Variants in EML6 observed in about 807,000 individuals in gnomAD.
EML6 encodes echinoderm microtubule-associated protein-like 6.
A neutral mutation model predicts 240.1 loss-of-function variants in EML6; 154 were observed. The observed-to-expected ratio is 0.64, with a 90% CI of 0.56 to 0.73. The LOEUF (loss-of-function observed/expected upper bound fraction) is 0.73, where lower values mean the gene tolerates loss of function less well. EML6 is among the 30% of genes least tolerant of loss of function. EML6 has a pLI of 0.00. For synonymous variants in EML6, 1,148 were observed against 899.0 expected (o/e 1.28, Z -4.95); for missense variants, 2,964 against 2,474.6 (o/e 1.20, Z -4.20).
intron 2 of EML6, among the ~76,000 whole-genome samples, chr2:54,793,439 C>T (rs1375759730): frequency 1.4e-5 from 2 of 144,976 alleles, no homozygotes. Flanking sequence ...TTGACAATCC[C>T]TGTTTCTAAT....
chr2:54,906,823 A>G (rs983031764), intron 24 of EML6, among the ~76,000 whole-genome samples: 1 of 152,218 alleles, frequency 6.6e-6, no homozygotes, highest in African/African-American at 2.4e-5. Flanking sequence ...AGAATGTGCC[A>G]TGCTGCCTCA....
intron 32 of EML6, among the ~76,000 whole-genome samples, 161 bp from the exon 33 acceptor site, chr2:54,957,629 C>T (rs1373232046): frequency 1.3e-5 from 2 of 152,196 alleles, no homozygotes; most frequent in East Asian, 3.8e-4. Flanking sequence ...ACACTTTCCC[C>T]GCTGCCACCT....
chr2:54,816,927 G>A, intron 4 of EML6, 42 bp downstream of exon 4: 1 of 1,277,996 alleles, frequency 7.8e-7, no homozygotes, highest in Non-Finnish European at 1.1e-6. Context: ...TTCAGAACTT[G>A]GGGGGACTTG....
At chr2:54,944,300 C>T (rs1675573718) in intron 28 of EML6, among the ~76,000 whole-genome samples, 2 of 152,166 alleles carry the variant, frequency 1.3e-5, no homozygotes, top group African/African-American at 4.8e-5. Flanking sequence ...TGTCTCATTC[C>T]ATGATACAAC....
intron 2 of EML6, among the ~76,000 whole-genome samples, chr2:54,803,354 C>T (rs917969658): frequency 2.0e-5 from 3 of 152,162 alleles, no homozygotes; most frequent in Non-Finnish European, 2.9e-5. Flanking sequence ...CCCTATTTGT[C>T]AGCTAGAGGA....
chr2:54,794,012 C>T (rs72917541), intron 2 of EML6, among the ~76,000 whole-genome samples: 6,280 of 152,326 alleles, frequency 0.041, 423 homozygotes, highest in African/African-American at 0.13. Flanking sequence ...CTCACCTCAT[C>T]TAATAAACAT....
At chr2:54,808,397 G>A (rs112893476) in intron 2 of EML6, among the ~76,000 whole-genome samples, 11 of 152,076 alleles carry the variant, frequency 7.2e-5, no homozygotes, top group African/African-American at 9.7e-5. Flanking sequence ...CCCTTCTGTC[G>A]TCAGACAATG....
chr2:54,909,801 A>T (rs954794824), intron 24 of EML6, among the ~76,000 whole-genome samples: 30 of 144,414 alleles, frequency 2.1e-4, no homozygotes, highest in African/African-American at 7.4e-4. Flanking sequence ...CCAAGATTAC[A>T]CCACTGCCCA....
chr2:54,861,345 A>T lies in EML6; in HGVS notation c.1825+1644A>T, dbSNP rs75325442. Among the ~76,000 whole-genome samples the T allele has an allele frequency of 1.1e-3, 174 of 152,272 alleles. 3 individuals carry two copies. The East Asian group carries it at 0.031, about 27-fold the overall frequency. On this transcript the variant is annotated intron_variant, in intron 12 of 41. Coordinates refer to ENST00000356458, the MANE Select transcript of EML6 (RefSeq NM_001039753.4). The stretch of plus-strand genomic sequence containing the variant: ...GCTTCGCATTCCTGAGTGGACTTAA[A>T]CCACAGAAAATGAAGAGGTAGAGGT...
intron 2 of EML6, among the ~76,000 whole-genome samples, chr2:54,761,336 A>G (rs1161841035): frequency 2.0e-5 from 3 of 152,192 alleles, no homozygotes; most frequent in Admixed American, 1.3e-4. Flanking sequence ...AAAAAAAAGC[A>G]TAAATGAAGG....
At chr2:54,851,638 G>A (rs1257661151) in intron 10 of EML6, among the ~76,000 whole-genome samples, 4 of 152,116 alleles carry the variant, frequency 2.6e-5, no homozygotes, top group Admixed American at 2.6e-4. Context: ...CAACTTTCAG[G>A]TATTTGGATG....
At chr2:54,888,045 C>T (rs1672248720) in intron 17 of EML6, among the ~76,000 whole-genome samples, 4 of 152,192 alleles carry the variant, frequency 2.6e-5, no homozygotes, top group African/African-American at 7.2e-5. Context: ...GCTTGCTGCC[C>T]AAAAAGCATA....
intron 14 of EML6, chr2:54,868,198 A>G (rs1671072480): frequency 6.6e-6 from 1 of 152,198 alleles, no homozygotes. Context: ...ATGGCAACAA[A>G]TTTTTAATTA....
chr2:54,782,396 G>A (rs1668891665), intron 2 of EML6, among the ~76,000 whole-genome samples: 2 of 152,128 alleles, frequency 1.3e-5, no homozygotes, highest in South Asian at 4.1e-4. Flanking sequence ...TTGACATTTT[G>A]AAATATTAGA....
intron 2 of EML6, among the ~76,000 whole-genome samples, chr2:54,796,165 GATATC>G (rs1265988444): frequency 1.3e-5 from 2 of 152,162 alleles, no homozygotes; most frequent in Non-Finnish European, 2.9e-5. Flanking sequence ...AAAATCCCAA[GATATC>G]ATATCTATCT....
chr2:54,756,939 T>C (rs1012223794), intron 2 of EML6, among the ~76,000 whole-genome samples: 2 of 151,988 alleles, frequency 1.3e-5, no homozygotes, highest in African/African-American at 4.8e-5. Context: ...GGATCTGTAA[T>C]TGTAATCCTA....
chr2:54,858,647 C>G (rs1486869351), intron 11 of EML6, among the ~76,000 whole-genome samples: 1 of 152,164 alleles, frequency 6.6e-6, no homozygotes. Flanking sequence ...TTTCTCAGAG[C>G]CCCTGATATA....
At chr2:54,739,857 G>A (rs192529799) in intron 2 of EML6, among the ~76,000 whole-genome samples, 5 of 152,340 alleles carry the variant, frequency 3.3e-5, no homozygotes, top group East Asian at 1.9e-4. Flanking sequence ...AAGTAATCCA[G>A]GTGTGAAGTA....
intron 2 of EML6, among the ~76,000 whole-genome samples, chr2:54,798,292 C>A (rs541547259): frequency 6.6e-4 from 101 of 152,238 alleles, no homozygotes; most frequent in East Asian, 1.4e-3. Context: ...CCTGCCTCAG[C>A]CTCCTGAGTA....
Sources: gnomAD v4.1 joint callset for allele counts (sites outside exome capture counted in the v4.1 genomes callset) on GRCh38, gnomAD v4.1.1 for gene constraint, MANE v1.5 for transcripts, NCBI Gene and HGNC (gene_info 2026-07-23, HGNC 2026-07-21) for gene names.